ATP10B: variants seen among roughly 807,000 people sequenced by gnomAD.
The protein encoded by ATP10B is ATPase phospholipid transporting 10B (putative), also known as phospholipid-transporting ATPase VB.
In ATP10B, 122 loss-of-function variants were observed where a neutral mutation model predicts 141.2. The ratio of observed to expected loss-of-function variants is 0.86; its 90% confidence interval spans 0.75 to 1.00. The LOEUF (loss-of-function observed/expected upper bound fraction) is 1.00, where lower values mean the gene tolerates loss of function less well. Ranked by LOEUF, ATP10B falls within the 50% of genes least tolerant of loss-of-function variation. The probability of loss-of-function intolerance (pLI) is 0.00; values close to 1 mark genes in which losing one functional copy is unlikely to be tolerated. For missense variants in ATP10B, 1,876 were observed against 1,825.3 expected, an observed-to-expected ratio of 1.03 and a Z score of -0.51; for synonymous variants, 685 against 692.0, an observed-to-expected ratio of 0.99 and a Z score of 0.16.
chr5:160,887,202 A>G, the ATP10B span, among the ~76,000 whole-genome samples: 1,915 of 152,350 alleles, frequency 0.013, 39 homozygotes, highest in African/African-American at 0.044. Context: ...AAATCCAGAG[A>G]TGCTCAAGTC....
the ATP10B span, among the ~76,000 whole-genome samples, chr5:160,918,714 G>A: frequency 6.6e-6 from 1 of 152,274 alleles, no homozygotes; most frequent in South Asian, 2.1e-4. Context: ...GGACAAAAGG[G>A]AGGTCTGTAA....
At chr5:160,876,599 T>A in the ATP10B span, among the ~76,000 whole-genome samples, 1 of 151,418 alleles carries the variant, frequency 6.6e-6, no homozygotes, top group Admixed American at 6.6e-5. Context: ...ATCCAGAAGC[T>A]GGTTTTTTGA....
intron 1 of ATP10B, among the ~76,000 whole-genome samples, chr5:160,811,107 T>A (rs1773122861): frequency 6.6e-6 from 1 of 152,132 alleles, no homozygotes; most frequent in South Asian, 2.1e-4. Context: ...AAGGACCCAG[T>A]CCCAGTCCTG....
intron 6 of ATP10B, among the ~76,000 whole-genome samples, chr5:160,680,239 GAAAT>G (rs1393434684): frequency 6.6e-6 from 1 of 151,918 alleles, no homozygotes; most frequent in Non-Finnish European, 1.5e-5. Context: ...AATTTGAGGT[GAAAT>G]AAATAAAATG....
the ATP10B span, among the ~76,000 whole-genome samples, chr5:160,929,063 G>A: frequency 6.6e-6 from 1 of 152,168 alleles, no homozygotes; most frequent in Admixed American, 6.5e-5. Context: ...GGTGGCTGAG[G>A]GTGAAAACAG....
chr5:160,909,297 G>T, the ATP10B span, among the ~76,000 whole-genome samples: 63 of 152,060 alleles, frequency 4.1e-4, 1 homozygote, highest in African/African-American at 1.2e-3. Flanking sequence ...GTGTGTGTGT[G>T]TTTTTTTTAA....
At chr5:160,907,360 C>T in the ATP10B span, among the ~76,000 whole-genome samples, 1 of 151,524 alleles carries the variant, frequency 6.6e-6, no homozygotes, top group Non-Finnish European at 1.5e-5. Flanking sequence ...AAACGCTAAA[C>T]TCTTTACCTG....
chr5:160,704,914 C>CATCTT (rs1764895267), intron 3 of ATP10B, among the ~76,000 whole-genome samples: 1 of 83,634 alleles, frequency 1.2e-5, no homozygotes, highest in Non-Finnish European at 2.0e-5. Flanking sequence ...TTTCTTTCAT[C>CATCTT]TTTTTTTTTT....
chr5:160,587,417 T>G (rs1014713514), intron 24 of ATP10B, among the ~76,000 whole-genome samples: 1 of 152,232 alleles, frequency 6.6e-6, no homozygotes, highest in Non-Finnish European at 1.5e-5. Flanking sequence ...GTATATGAGC[T>G]CATTTTTGGT....
chr5:160,821,991 C>T (rs1774146762), intron 1 of ATP10B, among the ~76,000 whole-genome samples: 2 of 151,910 alleles, frequency 1.3e-5, no homozygotes, highest in Admixed American at 6.6e-5. Flanking sequence ...GACAGACAAC[C>T]AAAGCAAAAA....
At chr5:160,808,508 A>G (rs1466426833) in intron 1 of ATP10B, among the ~76,000 whole-genome samples, 1 of 152,170 alleles carries the variant, frequency 6.6e-6, no homozygotes, top group East Asian at 1.9e-4. Context: ...TGAAGAATCT[A>G]TATCATCACC....
the ATP10B span, among the ~76,000 whole-genome samples, chr5:160,881,642 C>G: frequency 1.3e-5 from 2 of 151,986 alleles, no homozygotes; most frequent in African/African-American, 2.4e-5. Context: ...GAAACCCCAT[C>G]TCTACTAAAA....
chr5:160,746,706 C>T (rs569666615), intron 2 of ATP10B, among the ~76,000 whole-genome samples: 37 of 152,214 alleles, frequency 2.4e-4, no homozygotes, highest in African/African-American at 7.0e-4. Flanking sequence ...AATTTTCCAA[C>T]GTGTAAGTTT....
At chr5:160,869,072 T>C in the ATP10B span, among the ~76,000 whole-genome samples, 1 of 152,212 alleles carries the variant, frequency 6.6e-6, no homozygotes. Flanking sequence ...CTTAGTTTCT[T>C]CATCTGCAAA....
At chr5:160,778,676 C>A (rs1770508712) in intron 2 of ATP10B, among the ~76,000 whole-genome samples, 1 of 152,054 alleles carries the variant, frequency 6.6e-6, no homozygotes, top group Non-Finnish European at 1.5e-5. Flanking sequence ...AAAATATTGA[C>A]TTTTTTAAAA....
chr5:160,817,450 T>C (rs1261159472), intron 1 of ATP10B, among the ~76,000 whole-genome samples: 2 of 152,138 alleles, frequency 1.3e-5, no homozygotes, highest in African/African-American at 2.4e-5. Context: ...ACAAGGGACA[T>C]GAAGGACCTC....
intron 19 of ATP10B, 97 bp from the exon 20 acceptor site, chr5:160,604,138 C>T: frequency 1.2e-6 from 1 of 850,058 alleles, no homozygotes; most frequent in African/African-American, 1.7e-5. Context: ...CAATTGAATC[C>T]TTTTAACATT....
chr5:160,860,979 T>C, the ATP10B span, among the ~76,000 whole-genome samples: 1,912 of 152,058 alleles, frequency 0.013, 38 homozygotes, highest in African/African-American at 0.044. Context: ...GGTCATATTA[T>C]TTGCCTGGCC....
At chr5:160,682,722 G>A (rs954838284) in intron 6 of ATP10B, among the ~76,000 whole-genome samples, 12 of 152,008 alleles carry the variant, frequency 7.9e-5, no homozygotes, top group African/African-American at 2.9e-4. Context: ...AAAAAGTGAC[G>A]GTGGATTGGT....
Sources: gnomAD v4.1 joint callset for allele counts (sites outside exome capture counted in the v4.1 genomes callset) on GRCh38, gnomAD v4.1.1 for gene constraint, MANE v1.5 for transcripts, NCBI Gene and HGNC (gene_info 2026-07-23, HGNC 2026-07-21) for gene names.